The following LRRTM4 variants were observed in gnomAD, a reference collection of about 807,000 sequenced individuals.
LRRTM4 encodes leucine rich repeat transmembrane neuronal 4.
Under a neutral mutation model 47.6 loss-of-function variants are expected in LRRTM4, and 25 were observed. The observed-to-expected ratio is 0.53, with a 90% confidence interval of 0.38 to 0.73. The LOEUF is 0.73. LRRTM4 is among the 30% of genes least tolerant of loss of function. The pLI, the probability that LRRTM4 is intolerant of heterozygous loss-of-function variation, is 0.00. For synonymous variants in LRRTM4, 311 were observed against 269.5 expected (o/e 1.15, Z -1.51); for missense variants, 638 against 713.4 (o/e 0.89, Z 1.20).
At chr2:77,182,597 G>C (rs967820605) in intron 3 of LRRTM4, among the ~76,000 whole-genome samples, 5 of 151,976 alleles carry the variant, frequency 3.3e-5, no homozygotes, top group African/African-American at 7.3e-5. Context: ...TGAGACGATG[G>C]GGTTTTCTAG....
At chr2:77,506,798 G>A (rs141334570) in intron 3 of LRRTM4, among the ~76,000 whole-genome samples, 113 of 151,876 alleles carry the variant, frequency 7.4e-4, no homozygotes, top group African/African-American at 1.5e-3. Flanking sequence ...ATGAACCATC[G>A]CAAATGTCCA....
chr2:76,825,982 G>A (rs974722421), intron 3 of LRRTM4, among the ~76,000 whole-genome samples: 1 of 151,604 alleles, frequency 6.6e-6, no homozygotes, highest in Non-Finnish European at 1.5e-5. Flanking sequence ...CTGAACATTG[G>A]GTTTGCTAAC....
chr2:77,360,056 G>A (rs1300301119), intron 3 of LRRTM4, among the ~76,000 whole-genome samples: 2 of 152,068 alleles, frequency 1.3e-5, no homozygotes, highest in African/African-American at 4.8e-5. Context: ...GAAATCTTAT[G>A]TTTTTTAGAT....
At chr2:77,344,956 A>G (rs1257548107) in intron 3 of LRRTM4, among the ~76,000 whole-genome samples, 1 of 151,642 alleles carries the variant, frequency 6.6e-6, no homozygotes, top group Non-Finnish European at 1.5e-5. Flanking sequence ...TTCTTTCTAG[A>G]CTTGAATAAT....
intron 3 of LRRTM4, among the ~76,000 whole-genome samples, chr2:77,507,881 C>T (rs1678840175): frequency 6.6e-6 from 1 of 151,950 alleles, no homozygotes; most frequent in Admixed American, 6.6e-5. Context: ...ACAGCAAAGT[C>T]AAAGCAGTGA....
At chr2:76,801,869 C>T (rs1266557586) in intron 3 of LRRTM4, among the ~76,000 whole-genome samples, 8 of 152,012 alleles carry the variant, frequency 5.3e-5, no homozygotes, top group Admixed American at 3.9e-4. Flanking sequence ...GAAGGACAAA[C>T]ACCATAAGAT....
At chr2:76,825,634 A>G (rs1671170474) in intron 3 of LRRTM4, among the ~76,000 whole-genome samples, 1 of 151,662 alleles carries the variant, frequency 6.6e-6, no homozygotes, top group Non-Finnish European at 1.5e-5. Context: ...TAGAGATGTC[A>G]AGTAGACTAC....
intron 3 of LRRTM4, among the ~76,000 whole-genome samples, chr2:76,842,553 C>T (rs1671715166): frequency 6.6e-6 from 1 of 152,044 alleles, no homozygotes; most frequent in South Asian, 2.1e-4. Context: ...AGAACATTAG[C>T]CTACTGTTAG....
chr2:76,870,755 T>C (rs1672601182), intron 3 of LRRTM4, among the ~76,000 whole-genome samples: 1 of 152,192 alleles, frequency 6.6e-6, no homozygotes, highest in Non-Finnish European at 1.5e-5. Flanking sequence ...TGAGTCAATA[T>C]TATTTGTAAT....
intron 3 of LRRTM4, among the ~76,000 whole-genome samples, chr2:77,165,672 C>T (rs778069884): frequency 9.9e-5 from 15 of 152,238 alleles, no homozygotes; most frequent in Non-Finnish European, 1.9e-4. Context: ...AATCAATAAA[C>T]GTAATACAGT....
chr2:76,976,219 T>C (rs1242705186), intron 3 of LRRTM4, among the ~76,000 whole-genome samples: 3 of 151,804 alleles, frequency 2.0e-5, no homozygotes, highest in African/African-American at 7.2e-5. Context: ...TCATTAACCA[T>C]TCAAAGAGCC....
intron 3 of LRRTM4, among the ~76,000 whole-genome samples, chr2:77,377,756 T>G (rs1379687835): frequency 6.6e-6 from 1 of 152,036 alleles, no homozygotes; most frequent in East Asian, 1.9e-4. Flanking sequence ...TTTAATCAGT[T>G]TATGTGATAA....
chr2:77,341,045 T>C (rs1371042211), intron 3 of LRRTM4, among the ~76,000 whole-genome samples: 1 of 151,918 alleles, frequency 6.6e-6, no homozygotes, highest in Non-Finnish European at 1.5e-5. Context: ...GTGGCTATAG[T>C]GGATGTCTCC....
At chr2:77,435,406 A>G (rs1276259949) in intron 3 of LRRTM4, among the ~76,000 whole-genome samples, 1 of 152,212 alleles carries the variant, frequency 6.6e-6, no homozygotes. Context: ...CCTTAAAGAA[A>G]TTGCTGTATT....
At chr2:77,118,419 TTTA>T (rs1266766921) in intron 3 of LRRTM4, among the ~76,000 whole-genome samples, 1 of 151,970 alleles carries the variant, frequency 6.6e-6, no homozygotes, top group African/African-American at 2.4e-5. Context: ...TAATTCATTT[TTTA>T]TTATTTGCTG....
intron 3 of LRRTM4, among the ~76,000 whole-genome samples, chr2:77,358,634 CA>C (rs1211974956): frequency 6.6e-6 from 1 of 152,106 alleles, no homozygotes; most frequent in East Asian, 1.9e-4. Context: ...AGTACTATGT[CA>C]AAAAATATGA....
chr2:76,852,081 A>G (rs1448055948), intron 3 of LRRTM4, among the ~76,000 whole-genome samples: 1 of 152,068 alleles, frequency 6.6e-6, no homozygotes, highest in African/African-American at 2.4e-5. Flanking sequence ...AGCTCTTACT[A>G]TTGCTACTCA....
chr2:77,481,231 C>T (rs1421406017), intron 3 of LRRTM4, among the ~76,000 whole-genome samples: 1 of 152,128 alleles, frequency 6.6e-6, no homozygotes, highest in Non-Finnish European at 1.5e-5. Context: ...TGTCATAACC[C>T]TGTGAAGCAA....
chr2:77,110,724 T>G (rs1457542992), intron 3 of LRRTM4, among the ~76,000 whole-genome samples: 1 of 152,176 alleles, frequency 6.6e-6, no homozygotes, highest in African/African-American at 2.4e-5. Flanking sequence ...AAAATACATC[T>G]GTATAAAAGC....
Sources: allele counts gnomAD v4.1 joint callset (sites outside exome capture counted in the v4.1 genomes callset), GRCh38; gene constraint gnomAD v4.1.1; transcripts MANE v1.5; gene names NCBI Gene and HGNC (gene_info 2026-07-23, HGNC 2026-07-21).